GALNTL6: variants seen among roughly 807,000 people sequenced by gnomAD.
The protein encoded by GALNTL6 is polypeptide N-acetylgalactosaminyltransferase-like 6.
A neutral mutation model predicts 73.7 loss-of-function variants in GALNTL6; 46 were observed. The observed-to-expected ratio is 0.62, with a 90% confidence interval of 0.49 to 0.80. The LOEUF is 0.80. Among genes scored for constraint, GALNTL6 ranks in the 30% least tolerant of loss-of-function variants. The pLI is 0.00. For synonymous variants in GALNTL6, 259 were observed against 263.7 expected (o/e 0.98, Z 0.17); for missense variants, 604 against 755.0 (o/e 0.80, Z 2.34).
intron 5 of GALNTL6, among the ~76,000 whole-genome samples, chr4:172,555,810 A>G (rs1736120581): frequency 6.6e-6 from 1 of 152,146 alleles, no homozygotes; most frequent in African/African-American, 2.4e-5. Flanking sequence ...CTCTTTCTAC[A>G]TTAGTGTAAT....
intron 5 of GALNTL6, among the ~76,000 whole-genome samples, chr4:172,395,397 T>A (rs144959757): frequency 6.6e-6 from 1 of 152,328 alleles, no homozygotes; most frequent in Non-Finnish European, 1.5e-5. Context: ...GCTTTTTGTA[T>A]GTTTTCATTT....
intron 5 of GALNTL6, among the ~76,000 whole-genome samples, chr4:172,573,678 GC>G (rs1160488610): frequency 6.6e-6 from 1 of 152,128 alleles, no homozygotes; most frequent in Non-Finnish European, 1.5e-5. Context: ...GGTGCATGAA[GC>G]CCTTACAGAG....
At chr4:172,186,191 A>G (rs1735410203) in intron 2 of GALNTL6, among the ~76,000 whole-genome samples, 2 of 152,314 alleles carry the variant, frequency 1.3e-5, no homozygotes. Flanking sequence ...TTGTGAAAAG[A>G]TGCTCAACAT....
intron 3 of GALNTL6, among the ~76,000 whole-genome samples, chr4:172,281,834 C>T (rs1173094510): frequency 6.6e-6 from 1 of 152,016 alleles, no homozygotes; most frequent in African/African-American, 2.4e-5. Context: ...TGTAAGGTAA[C>T]ATATTCACAG....
chr4:172,595,081 T>C (rs1320289647), intron 5 of GALNTL6, among the ~76,000 whole-genome samples: 1 of 152,158 alleles, frequency 6.6e-6, no homozygotes, highest in Non-Finnish European at 1.5e-5. Context: ...CTTTTATAAG[T>C]GCACTAATCC....
chr4:172,279,572 G>A (rs995415049), intron 3 of GALNTL6, among the ~76,000 whole-genome samples: 2 of 152,142 alleles, frequency 1.3e-5, no homozygotes, highest in Admixed American at 6.5e-5. Context: ...AGTAACAGGT[G>A]TTGGTGAAGA....
intron 2 of GALNTL6, among the ~76,000 whole-genome samples, chr4:171,989,550 T>C (rs1431079233): frequency 6.6e-6 from 1 of 152,118 alleles, no homozygotes; most frequent in South Asian, 2.1e-4. Flanking sequence ...GGTTCAGGTG[T>C]TTGGAGTTCT....
At chr4:172,332,493 A>G (rs1442021349) in intron 4 of GALNTL6, among the ~76,000 whole-genome samples, 1 of 149,300 alleles carries the variant, frequency 6.7e-6, no homozygotes, top group Non-Finnish European at 1.5e-5. Context: ...CTTGTTATCT[A>G]CTTTACACTC....
intron 5 of GALNTL6, among the ~76,000 whole-genome samples, chr4:172,466,722 A>C (rs561940849): frequency 6.6e-6 from 1 of 152,176 alleles, no homozygotes; most frequent in Non-Finnish European, 1.5e-5. Context: ...CTGCTGTCAA[A>C]TGTTCACAAA....
intron 3 of GALNTL6, among the ~76,000 whole-genome samples, chr4:172,231,603 C>A (rs1737072993): frequency 6.6e-6 from 1 of 152,096 alleles, no homozygotes; most frequent in Non-Finnish European, 1.5e-5. Flanking sequence ...CAAATCCTAG[C>A]ATTTCCATAC....
chr4:172,418,734 C>T (rs1730938426), intron 5 of GALNTL6, among the ~76,000 whole-genome samples: 1 of 152,112 alleles, frequency 6.6e-6, no homozygotes, highest in Admixed American at 6.6e-5. Context: ...TTTCATTATA[C>T]TCCGATACAT....
chr4:172,818,528 A>G lies in GALNTL6; in HGVS notation c.923+4805A>G, dbSNP rs142208458. Reference sequence around the variant, plus strand: ...AACTGACATTCTCTATTTTCCATCTATGGTATACATCAATTTCCAAAATGC... The same window carrying G: ...AACTGACATTCTCTATTTTCCATCTGTGGTATACATCAATTTCCAAAATGC... On this transcript the variant is annotated intron_variant, in intron 7 of 12. Coordinates refer to ENST00000506823, the MANE Select transcript of GALNTL6 (RefSeq NM_001034845.3). Among the ~76,000 whole-genome samples the G allele has an allele frequency of 2.2e-4, 33 of 152,240 alleles. No individual in the cohort carries two copies. The East Asian group carries it at 4.4e-3, about 21-fold the overall frequency.
intron 5 of GALNTL6, among the ~76,000 whole-genome samples, chr4:172,597,322 A>G (rs1166946964): frequency 6.6e-6 from 1 of 152,192 alleles, no homozygotes; most frequent in Non-Finnish European, 1.5e-5. Context: ...CTATCAAATT[A>G]CTATAGTGGA....
intron 2 of GALNTL6, among the ~76,000 whole-genome samples, chr4:171,992,003 G>A (rs1460579420): frequency 1.3e-5 from 2 of 151,724 alleles, no homozygotes; most frequent in Non-Finnish European, 2.9e-5. Flanking sequence ...AACAATTATG[G>A]CAAAGTTTTT....
intron 5 of GALNTL6, among the ~76,000 whole-genome samples, chr4:172,743,647 C>A (rs1736928429): frequency 6.6e-6 from 1 of 151,990 alleles, no homozygotes; most frequent in Non-Finnish European, 1.5e-5. Flanking sequence ...GTGTAGTGGA[C>A]CAGTATGATG....
At chr4:172,791,906 G>A (rs1740014483) in intron 5 of GALNTL6, among the ~76,000 whole-genome samples, 1 of 152,218 alleles carries the variant, frequency 6.6e-6, no homozygotes, top group Non-Finnish European at 1.5e-5. Flanking sequence ...CTGCTCTGCT[G>A]ATGCCTAGTC....
At chr4:172,512,766 G>C (rs1369862663) in intron 5 of GALNTL6, among the ~76,000 whole-genome samples, 1 of 152,106 alleles carries the variant, frequency 6.6e-6, no homozygotes, top group Admixed American at 6.5e-5. Context: ...GCTAAACATA[G>C]TACCCCCATC....
chr4:171,960,403 A>T (rs1296940384), intron 2 of GALNTL6, among the ~76,000 whole-genome samples: 1 of 151,830 alleles, frequency 6.6e-6, no homozygotes, highest in Non-Finnish European at 1.5e-5. Flanking sequence ...CAGCCTCCCG[A>T]GTAACAGGGT....
At chr4:172,969,815 A>G (rs149863323) in intron 10 of GALNTL6, among the ~76,000 whole-genome samples, 6 of 152,240 alleles carry the variant, frequency 3.9e-5, no homozygotes, top group African/African-American at 9.6e-5. Context: ...TGATTAGGTC[A>G]TGAGGGCAAA....
Sources: gnomAD v4.1 joint callset for allele counts (sites outside exome capture counted in the v4.1 genomes callset) on GRCh38, gnomAD v4.1.1 for gene constraint, MANE v1.5 for transcripts, NCBI Gene and HGNC (gene_info 2026-07-23, HGNC 2026-07-21) for gene names.